Variants in VPS35L observed in about 807,000 individuals in gnomAD.
The protein encoded by VPS35L is VPS35 endosomal protein-sorting factor-like.
A neutral mutation model predicts 133.0 loss-of-function variants in VPS35L; 83 were observed. The ratio of observed to expected loss-of-function variants is 0.62; its 90% CI spans 0.52 to 0.75. The LOEUF (loss-of-function observed/expected upper bound fraction) is 0.75, where lower values mean the gene tolerates loss of function less well. Ranked by LOEUF, VPS35L falls within the 30% of genes least tolerant of loss-of-function variation. The pLI is 0.00. For missense variants in VPS35L, 1,083 were observed against 1,206.8 expected, an observed-to-expected ratio of 0.90 and a Z score of 1.52; for synonymous variants, 423 against 449.9, an observed-to-expected ratio of 0.94 and a Z score of 0.76.
chr16:19,683,478 G>A (rs1424335296), intron 28 of VPS35L, among the ~76,000 whole-genome samples: 1 of 152,136 alleles, frequency 6.6e-6, no homozygotes, highest in Non-Finnish European at 1.5e-5. Context: ...GGTCTCCAAT[G>A]TCTGTTGTTT....
chr16:19,566,615 A>G lies in VPS35L; in HGVS notation c.117+1665A>G, dbSNP rs575434276. Among the ~76,000 whole-genome samples the G allele has an allele frequency of 7.2e-5, 11 of 152,348 alleles. No homozygotes were observed. In the South Asian group the frequency reaches 2.3e-3, roughly 32 times the overall value. On this transcript the variant is annotated intron_variant, in intron 2 of 30. Coordinates refer to ENST00000417362, the MANE Select transcript of VPS35L (RefSeq NM_020314.7). ...AGTAGGTTCAGAGAGGCTCCAGCAC[A>G]GTCACGTGGTAGAAGATTTATGGAC... is the stretch of plus-strand genomic sequence containing the variant.
At chr16:19,625,597 A>G (rs1369355071) in intron 14 of VPS35L, among the ~76,000 whole-genome samples, 1 of 152,118 alleles carries the variant, frequency 6.6e-6, no homozygotes, top group Admixed American at 6.6e-5. Context: ...AACTCTTCCG[A>G]AGTCTCATCA....
chr16:19,565,020 CT>C, intron 2 of VPS35L, 70 bp downstream of exon 2: 2 of 1,250,644 alleles, frequency 1.6e-6, no homozygotes, highest in South Asian at 1.3e-5. Context: ...CTTCCTGAGT[CT>C]TTTCCGTTTT....
intron 27 of VPS35L, among the ~76,000 whole-genome samples, chr16:19,674,854 G>A (rs548405153): frequency 2.6e-5 from 4 of 152,074 alleles, no homozygotes; most frequent in South Asian, 2.1e-4. Flanking sequence ...TAATGCTTTC[G>A]AGGGTCATCC....
intron 12 of VPS35L, among the ~76,000 whole-genome samples, chr16:19,615,670 T>A (rs1972863582): frequency 7.4e-6 from 1 of 135,380 alleles, no homozygotes; most frequent in Non-Finnish European, 1.6e-5. Context: ...AAAAAACAGA[T>A]AAGGAAAAAA....
chr16:19,610,881 G>A (rs1339561389), intron 12 of VPS35L, among the ~76,000 whole-genome samples: 1 of 152,162 alleles, frequency 6.6e-6, no homozygotes, highest in Non-Finnish European at 1.5e-5. Context: ...TGCTGTGAAA[G>A]GGGGTAGAGG....
intron 10 of VPS35L, chr16:19,608,693 C>A: frequency 2.3e-6 from 1 of 430,452 alleles, no homozygotes; most frequent in Admixed American, 3.9e-5. Context: ...TCTTTCTTTC[C>A]CCATAAAGCA....
chr16:19,570,834 CATATATATATATATATATATATATATAT>C (rs58794831), intron 3 of VPS35L, among the ~76,000 whole-genome samples: 4,982 of 78,810 alleles, frequency 0.063, 366 homozygotes, highest in Non-Finnish European at 0.082. Flanking sequence ...TGCTGTGTTT[CATATATATATATATATATATATATATAT>C]ATATATATAT....
chr16:19,695,036 G>A (rs1295724444), intron 29 of VPS35L, among the ~76,000 whole-genome samples: 2 of 151,096 alleles, frequency 1.3e-5, no homozygotes, highest in Non-Finnish European at 2.9e-5. Context: ...CAGAGCTCAA[G>A]TGATCCGCCC....
intron 27 of VPS35L, among the ~76,000 whole-genome samples, chr16:19,675,619 G>C (rs190017805): frequency 0.015 from 2,243 of 152,026 alleles, 21 homozygotes; most frequent in South Asian, 0.023. Flanking sequence ...TTGCAGTCTC[G>C]GCTCACTGTA....
At chr16:19,666,916 CTTT>C (rs1567470436) in intron 26 of VPS35L, among the ~76,000 whole-genome samples, 3 of 105,194 alleles carry the variant, frequency 2.9e-5, no homozygotes, top group Admixed American at 1.0e-4. Flanking sequence ...TTCTTTCTTT[CTTT>C]CTTTCTTTCT....
intron 7 of VPS35L, among the ~76,000 whole-genome samples, chr16:19,583,730 A>G (rs1971777846): frequency 6.6e-6 from 1 of 152,066 alleles, no homozygotes; most frequent in South Asian, 2.1e-4. Context: ...AAAAAAAAAA[A>G]AAGGAAAACA....
At position 19,622,271 on chromosome 16, in the gene VPS35L, A is replaced by G. The variant is rs535063370; in HGVS notation, c.1225-3906A>G. On this transcript the variant is annotated intron_variant, in intron 14 of 30. Transcript: ENST00000417362. ...GCAGTTCTCCTGCCTCAGCCTCCCA[A>G]GTAACTGGGACTACAGCCACGCCAC... is the stretch of plus-strand genomic sequence containing the variant. 3.8e-4 allele frequency among the ~76,000 whole-genome samples: 57 copies of G among 151,154 alleles called. 3 individuals carry two copies. In the South Asian group the frequency reaches 0.01, roughly 27 times the overall value.
At chr16:19,700,164 C>T (rs745477837) in intron 30 of VPS35L, among the ~76,000 whole-genome samples, 17 of 152,170 alleles carry the variant, frequency 1.1e-4, no homozygotes, top group Non-Finnish European at 2.5e-4. Flanking sequence ...ACATACAAAA[C>T]ATCAGTCATT....
chr16:19,677,122 G>A (rs1443502524), intron 27 of VPS35L, among the ~76,000 whole-genome samples: 1 of 151,122 alleles, frequency 6.6e-6, no homozygotes, highest in Non-Finnish European at 1.5e-5. Context: ...CTAGAATGCA[G>A]CGGTGTGATC....
intron 27 of VPS35L, among the ~76,000 whole-genome samples, chr16:19,680,589 A>G (rs1188480827): frequency 6.6e-6 from 1 of 152,140 alleles, no homozygotes; most frequent in Non-Finnish European, 1.5e-5. Flanking sequence ...ACCTAAGATC[A>G]TTTCAGATAG....
At chr16:19,565,322 T>G (rs1567383665) in intron 2 of VPS35L, among the ~76,000 whole-genome samples, 2 of 150,604 alleles carry the variant, frequency 1.3e-5, no homozygotes, top group Non-Finnish European at 3.0e-5. Context: ...TCACAAAGAT[T>G]ATGGGTGTGG....
At chr16:19,620,771 C>A (rs183255964) in intron 14 of VPS35L, among the ~76,000 whole-genome samples, 209 of 151,918 alleles carry the variant, frequency 1.4e-3, no homozygotes, top group African/African-American at 5.0e-3. Flanking sequence ...GCCAACATGG[C>A]GAAACCCCAT....
At chr16:19,658,485 G>C (rs1015500294) in intron 26 of VPS35L, among the ~76,000 whole-genome samples, 2 of 152,074 alleles carry the variant, frequency 1.3e-5, no homozygotes, top group Non-Finnish European at 2.9e-5. Context: ...AGCCAAGATC[G>C]CACCACTGTC....
Sources: allele counts gnomAD v4.1 joint callset (sites outside exome capture counted in the v4.1 genomes callset), GRCh38; gene constraint gnomAD v4.1.1; transcripts MANE v1.5; gene names NCBI Gene and HGNC (gene_info 2026-07-23, HGNC 2026-07-21).